SLC5A10: variants seen among roughly 807,000 people sequenced by gnomAD.
SLC5A10 encodes the protein solute carrier family 5 member 10, also known as sodium/mannose cotransporter SLC5A10.
A neutral mutation model predicts 68.9 loss-of-function variants in SLC5A10; 55 were observed. The observed-to-expected ratio is 0.80, with a 90% CI of 0.64 to 1.00. The LOEUF is 1.00. Among genes scored for constraint, SLC5A10 ranks in the 50% least tolerant of loss-of-function variants. The pLI is 0.00. For synonymous variants in SLC5A10, 344 were observed against 344.8 expected (o/e 1.00, Z 0.02); for missense variants, 732 against 819.3 (o/e 0.89, Z 1.30).
chr17:19,007,391 T>G (rs1370857428), intron 9 of SLC5A10, among the ~76,000 whole-genome samples: 2 of 152,054 alleles, frequency 1.3e-5, no homozygotes, highest in African/African-American at 2.4e-5. Flanking sequence ...AACTCTTGAG[T>G]TTTAACTTTT....
chr17:18,983,721 T>G (rs1195775922), intron 9 of SLC5A10, among the ~76,000 whole-genome samples: 1 of 152,090 alleles, frequency 6.6e-6, no homozygotes, highest in Non-Finnish European at 1.5e-5. Context: ...AGAGGGGTGG[T>G]CAACACTCAC....
In SLC5A10 at chr17:19,019,793, G is replaced by A. The variant is rs778517500; in HGVS notation, c.1491G>A (p.Pro497=). ...TGGAATTCCTGAACCCAGCCCCACC[G>A]TGCGGAGAGCCAGACACGCGGCCAG... ...LVLEFLNPAP[P]CGEPDTRPAV... is the part of the protein sequence containing the mutation. Residue 497 remains proline (P), a synonymous_variant, in exon 13 of 15, where the codon CCG becomes CCA. Transcript: ENST00000395645. 2.9e-5 allele frequency: 46 copies of A among 1,613,126 alleles called. No homozygotes were observed. The Middle Eastern group carries it at 4.9e-4, about 17-fold the overall frequency.
At chr17:18,992,537 G>A (rs1275613893) in intron 9 of SLC5A10, among the ~76,000 whole-genome samples, 1 of 152,228 alleles carries the variant, frequency 6.6e-6, no homozygotes, top group Non-Finnish European at 1.5e-5. Context: ...GTGGGACAGG[G>A]CTTTAGGTCA....
intron 5 of SLC5A10, 148 bp downstream of exon 5, chr17:18,960,800 A>G (rs2042599561): frequency 6.4e-6 from 5 of 780,428 alleles, no homozygotes; most frequent in Non-Finnish European, 1.0e-5. Flanking sequence ...TGACTTGCCC[A>G]GGGTCACGCA....
intron 9 of SLC5A10, among the ~76,000 whole-genome samples, chr17:18,990,802 TC>T (rs34520746): frequency 1 from 152,298 of 152,298 alleles, 76,149 homozygotes; most frequent in Non-Finnish European, 1. Flanking sequence ...AGCCTGGTGC[TC>T]CCCCAGGCAA....
At position 18,952,254 on chromosome 17, in the gene SLC5A10, A is replaced by G; in HGVS notation, c.49A>G (p.Ser17Gly). 6.2e-7 allele frequency: 1 copy of G among 1,613,970 alleles called. No individual in the cohort carries two copies. ...CCTCCACACTCCCGGGACGCAGCTG[A>G]GCGTGGCTGACATCATCGTCATCAC... ...SDLHTPGTQL[S>G]VADIIVITVY... The change falls in exon 1 of 15, where the codon AGC (serine) becomes GGC (glycine). Residue 17 changes from serine to glycine, a missense_variant. Coordinates refer to ENST00000395645, the MANE Select transcript of SLC5A10 (RefSeq NM_001042450.4).
chr17:18,993,097 G>A (rs1244165792), intron 9 of SLC5A10, among the ~76,000 whole-genome samples: 1 of 152,180 alleles, frequency 6.6e-6, no homozygotes, highest in African/African-American at 2.4e-5. Context: ...CGAGCATGGT[G>A]GGAAACCACG....
intron 1 of SLC5A10, among the ~76,000 whole-genome samples, chr17:18,958,193 C>A (rs1487297502): frequency 6.6e-6 from 1 of 152,228 alleles, no homozygotes. Context: ...ACCTCAGTGT[C>A]CTAAGTAGCG....
At chr17:18,994,417 A>T (rs990616884) in intron 9 of SLC5A10, among the ~76,000 whole-genome samples, 3 of 152,142 alleles carry the variant, frequency 2.0e-5, no homozygotes, top group African/African-American at 7.2e-5. Context: ...GATTTGCAGG[A>T]CGGAGTGCCG....
At chr17:19,014,234 T>C (rs2044082173) in intron 10 of SLC5A10, among the ~76,000 whole-genome samples, 1 of 152,142 alleles carries the variant, frequency 6.6e-6, no homozygotes, top group Admixed American at 6.5e-5. Context: ...CTTGAACTCA[T>C]CCCCAGAGAG....
At position 19,004,303 on chromosome 17, in the gene SLC5A10, G is replaced by A. The variant is rs1341337172; in HGVS notation, c.983-9107G>A. 4.3e-6 allele frequency: 2 copies of A among 467,488 alleles called. No individual in the cohort carries two copies. The highest frequency in any genetic ancestry group is 7.6e-6 in the Non-Finnish European group (2 of 264,288). The allele number at this position is 467,488 out of a possible 1,614,324, so 29.0% of individuals were successfully genotyped here. On this transcript the variant is annotated intron_variant, in intron 9 of 14. Transcript: ENST00000395645. This position sits in a 1 kb window ranked among gnomAD's most constrained non-coding sequence, Gnocchi z 5.4. ...GGGGCTGGGGCTGGGAAGATGAGGT[G>A]GGGGCACTGGACTGGGATGGGAAGA...
At chr17:18,989,402 C>G (rs1426997262) in intron 9 of SLC5A10, among the ~76,000 whole-genome samples, 1 of 152,108 alleles carries the variant, frequency 6.6e-6, no homozygotes, top group Non-Finnish European at 1.5e-5. Flanking sequence ...AGTGAGCTCA[C>G]CAGGCTGGCC....
intron 9 of SLC5A10, among the ~76,000 whole-genome samples, chr17:18,982,133 C>T (rs190350404): frequency 3.0e-4 from 46 of 152,358 alleles, no homozygotes; most frequent in African/African-American, 6.7e-4. Context: ...CCGTGTGAGC[C>T]GCAGGCCTCG....
chr17:18,996,066 G>C lies in SLC5A10; in HGVS notation c.983-17344G>C, dbSNP rs539124721. On this transcript the variant is annotated intron_variant, in intron 9 of 14. Transcript: ENST00000395645. The surrounding 1 kb of genome is among the most constrained non-coding windows in gnomAD (Gnocchi z 4.4). ...AGACAACTGCATGTCAAGGAACAAA[G>C]TAAGTGGACTTCTCATCAGAATCAC... 4.8e-4 allele frequency among the ~76,000 whole-genome samples: 73 copies of C among 151,306 alleles called. No homozygotes were observed. Among genetic ancestry groups the C allele is most frequent in the African/African-American group, 1.7e-3 (69 of 41,164 alleles).
chr17:18,978,183 G>T (rs1193960312), intron 9 of SLC5A10: 2 of 1,548,122 alleles, frequency 1.3e-6, no homozygotes, highest in Non-Finnish European at 1.7e-6. Flanking sequence ...GGGTCCCCCT[G>T]GGGGAGGCCG....
Position 18,971,406 on chromosome 17 carries a change from C to T in SLC5A10, c.846+188C>T, listed in dbSNP as rs748816161. Reference sequence around the variant, plus strand: ...GGGGCTTGAGCCCTCCGTTTAGAATCCGATGAGGCCCACTGGCTACCGCCC... The same window carrying T: ...GGGGCTTGAGCCCTCCGTTTAGAATTCGATGAGGCCCACTGGCTACCGCCC... On this transcript the variant is annotated intron_variant, in intron 8 of 14. Transcript: ENST00000395645. The surrounding 1 kb of genome is among the most constrained non-coding windows in gnomAD (Gnocchi z 5.5). The T allele has an allele frequency of 8.1e-5, 130 of 1,613,648 alleles. No homozygotes were observed. The highest frequency in any genetic ancestry group is 2.5e-4 in the East Asian group (11 of 44,888).
At position 18,996,235 on chromosome 17, in the gene SLC5A10, G is replaced by A. The variant is rs563495334; in HGVS notation, c.983-17175G>A. Reference sequence around the variant, plus strand: ...TTTTTCAAATATAAAAAAGCTGAGAGAATTCATTACCAGCAGACCCGCACT... The same window carrying A: ...TTTTTCAAATATAAAAAAGCTGAGAAAATTCATTACCAGCAGACCCGCACT... On this transcript the variant is annotated intron_variant, in intron 9 of 14. Coordinates refer to ENST00000395645, the MANE Select transcript of SLC5A10 (RefSeq NM_001042450.4). The surrounding 1 kb of genome is among the most constrained non-coding windows in gnomAD (Gnocchi z 4.4). Among the ~76,000 whole-genome samples, 1 of 152,024 alleles carries A rather than the reference G, an allele frequency of 6.6e-6. No individual in the cohort carries two copies. The highest frequency in any genetic ancestry group is 6.5e-5 in the Admixed American group (1 of 15,288).
At chr17:18,987,572 T>C (rs1307509251) in intron 9 of SLC5A10, among the ~76,000 whole-genome samples, 1 of 151,626 alleles carries the variant, frequency 6.6e-6, no homozygotes, top group Non-Finnish European at 1.5e-5. Flanking sequence ...AGAAGGGAGG[T>C]GACATGCCCA....
intron 5 of SLC5A10, among the ~76,000 whole-genome samples, chr17:18,964,614 C>G (rs1055379079): frequency 1.3e-5 from 2 of 152,208 alleles, no homozygotes; most frequent in African/African-American, 4.8e-5. Context: ...AATGGGGAGA[C>G]AGGAGCAGGG....
Sources: allele counts gnomAD v4.1 joint callset (sites outside exome capture counted in the v4.1 genomes callset), GRCh38; gene constraint gnomAD v4.1.1; non-coding constraint Gnocchi (gnomAD v3.1); transcripts MANE v1.5; gene names NCBI Gene and HGNC (gene_info 2026-07-23, HGNC 2026-07-21).